The following CCDC171 variants were observed in gnomAD, a reference collection of about 807,000 sequenced individuals.
The protein encoded by CCDC171 is coiled-coil domain containing 171.
In CCDC171, 177 loss-of-function variants were observed where a neutral mutation model predicts 168.2. That is an observed-to-expected ratio of 1.05 (90% confidence interval 0.93 to 1.19). The LOEUF (loss-of-function observed/expected upper bound fraction) is 1.19. Ranked by LOEUF, CCDC171 falls within the 50% of genes most tolerant of loss-of-function variation. CCDC171 has a pLI of 0.00. For synonymous variants in CCDC171, 687 were observed against 540.8 expected, an observed-to-expected ratio of 1.27 and a Z score of -3.75; for missense variants, 1,991 against 1,539.0, an observed-to-expected ratio of 1.29 and a Z score of -4.91.
chr9:16,003,048 C>T (rs964138877), intron 3 of CCDC171, among the ~76,000 whole-genome samples: 10 of 152,292 alleles, frequency 6.6e-5, no homozygotes, highest in South Asian at 2.1e-4. Flanking sequence ...AAGTGATGCA[C>T]GACTCTATAA....
intron 25 of CCDC171, among the ~76,000 whole-genome samples, chr9:15,944,884 C>CTTTCTTTCT (rs1828157552): frequency 6.9e-6 from 1 of 145,808 alleles, no homozygotes; most frequent in South Asian, 2.2e-4. Context: ...TTCTTTCTTT[C>CTTTCTTTCT]TTTTTTATCA....
chr9:15,650,869 A>G (rs2047458604), intron 7 of CCDC171, among the ~76,000 whole-genome samples: 1 of 152,080 alleles, frequency 6.6e-6, no homozygotes, highest in African/African-American at 2.4e-5. Context: ...GAATATTTCA[A>G]GATCTCTCTT....
At chr9:15,965,292 T>C (rs1830695220) in intron 25 of CCDC171, among the ~76,000 whole-genome samples, 1 of 152,232 alleles carries the variant, frequency 6.6e-6, no homozygotes, top group African/African-American at 2.4e-5. Context: ...CTATGTACTT[T>C]TATTTTCCAT....
In CCDC171 at chr9:15,779,752, G is replaced by A. The variant is rs747681344; in HGVS notation, c.3081+602G>A. Among the ~76,000 whole-genome samples the A allele has an allele frequency of 1.1e-4, 16 of 152,172 alleles. No individual in the cohort carries two copies. In the South Asian group the frequency reaches 1.7e-3, roughly 16 times the overall value. Reference sequence around the variant, plus strand: ...CAAAGAAATGTTCAATTTATCTAACGTCCATCAATGACTTATATGTATTAT... The same window carrying A: ...CAAAGAAATGTTCAATTTATCTAACATCCATCAATGACTTATATGTATTAT... On this transcript the variant is annotated intron_variant, in intron 20 of 25. Coordinates refer to ENST00000380701, the MANE Select transcript of CCDC171 (RefSeq NM_173550.4).
At chr9:15,862,328 C>T (rs549408658) in intron 23 of CCDC171, among the ~76,000 whole-genome samples, 128 of 149,494 alleles carry the variant, frequency 8.6e-4, no homozygotes, top group African/African-American at 3.0e-3. Context: ...TTTTTTTCTG[C>T]TGGTTTTAGT....
chr9:15,759,990 T>TC (rs2056357396), intron 18 of CCDC171, among the ~76,000 whole-genome samples: 1 of 152,198 alleles, frequency 6.6e-6, no homozygotes, highest in Non-Finnish European at 1.5e-5. Context: ...GTATCTTAAT[T>TC]ATTTTAGCCA....
intron 23 of CCDC171, among the ~76,000 whole-genome samples, chr9:15,861,160 T>A (rs2061540668): frequency 1.3e-5 from 2 of 151,822 alleles, no homozygotes; most frequent in South Asian, 2.1e-4. Flanking sequence ...TTACTTTCAG[T>A]CTATGCACAT....
At chr9:15,843,687 A>C (rs978965687) in intron 21 of CCDC171, among the ~76,000 whole-genome samples, 2 of 152,098 alleles carry the variant, frequency 1.3e-5, no homozygotes, top group Non-Finnish European at 2.9e-5. Context: ...CTTCACTTAT[A>C]TATGAAGTAT....
At chr9:15,608,718 G>A (rs1188438682) in intron 6 of CCDC171, among the ~76,000 whole-genome samples, 1 of 151,214 alleles carries the variant, frequency 6.6e-6, no homozygotes, top group African/African-American at 2.4e-5. Context: ...TTAGGAGTCT[G>A]AGGTGGGAGA....
At chr9:16,079,802 G>T in the CCDC171 span, among the ~76,000 whole-genome samples, 1 of 151,482 alleles carries the variant, frequency 6.6e-6, no homozygotes, top group African/African-American at 2.5e-5. Context: ...ATGACTAGCA[G>T]AGACTTACAC....
At chr9:16,019,964 A>G (rs1351332803) in intron 3 of CCDC171, among the ~76,000 whole-genome samples, 1 of 152,182 alleles carries the variant, frequency 6.6e-6, no homozygotes, top group East Asian at 1.9e-4. Flanking sequence ...TGTTTGGGGA[A>G]AGAAACAGAA....
At chr9:15,957,241 C>T (rs944097961) in intron 25 of CCDC171, among the ~76,000 whole-genome samples, 10 of 152,026 alleles carry the variant, frequency 6.6e-5, no homozygotes, top group African/African-American at 1.4e-4. Context: ...TTTTTGCTGC[C>T]GTGTCAAGTG....
At chr9:16,049,840 C>T (rs535693821) in intron 1 of CCDC171, among the ~76,000 whole-genome samples, 1 of 152,108 alleles carries the variant, frequency 6.6e-6, no homozygotes, top group African/African-American at 2.4e-5. Context: ...AGAACCCTGA[C>T]TAATATAGAT....
chr9:15,570,382 T>A (rs1563958824), intron 2 of CCDC171, among the ~76,000 whole-genome samples: 2 of 151,734 alleles, frequency 1.3e-5, no homozygotes, highest in Admixed American at 1.3e-4. Flanking sequence ...GTAGACAATG[T>A]TAGTTTTTTT....
intron 22 of CCDC171, among the ~76,000 whole-genome samples, chr9:15,848,578 A>C (rs1028084199): frequency 4.6e-5 from 7 of 151,968 alleles, no homozygotes; most frequent in African/African-American, 1.7e-4. Flanking sequence ...CAATAATGTA[A>C]TTGTGATTTT....
At chr9:15,640,669 A>C (rs1224862174) in intron 7 of CCDC171, among the ~76,000 whole-genome samples, 1 of 152,162 alleles carries the variant, frequency 6.6e-6, no homozygotes, top group Non-Finnish European at 1.5e-5. Context: ...TAATTGAATA[A>C]TATTATTGTT....
intron 14 of CCDC171, among the ~76,000 whole-genome samples, chr9:15,726,519 C>T (rs1486086016): frequency 2.6e-5 from 4 of 152,060 alleles, no homozygotes; most frequent in African/African-American, 7.2e-5. Context: ...ATGCAAAAGT[C>T]ATCATTAACT....
At chr9:15,789,760 C>T (rs1036072839) in intron 21 of CCDC171, among the ~76,000 whole-genome samples, 1 of 126,072 alleles carries the variant, frequency 7.9e-6, no homozygotes, top group African/African-American at 2.9e-5. Context: ...CCTCCCCCCA[C>T]CCTACGACAG....
intron 18 of CCDC171, among the ~76,000 whole-genome samples, chr9:15,758,527 T>G (rs577771255): frequency 6.6e-6 from 1 of 152,300 alleles, no homozygotes; most frequent in East Asian, 1.9e-4. Flanking sequence ...TGTGGACTTT[T>G]GAGTTAATGC....
Sources: gnomAD v4.1 joint callset for allele counts (sites outside exome capture counted in the v4.1 genomes callset) on GRCh38, gnomAD v4.1.1 for gene constraint, MANE v1.5 for transcripts, NCBI Gene and HGNC (gene_info 2026-07-23, HGNC 2026-07-21) for gene names.